The following ZG16B variants were observed in gnomAD, a reference collection of about 807,000 sequenced individuals.
The protein encoded by ZG16B is zymogen granule protein 16B, also known as pancreatic adenocarcinoma up-regulated factor.
A neutral mutation model predicts 7.0 loss-of-function variants in ZG16B; 8 were observed. The ratio of observed to expected loss-of-function variants is 1.15; its 90% CI spans 0.68 to 2.08. The LOEUF (loss-of-function observed/expected upper bound fraction) is 2.08, where lower values mean the gene tolerates loss of function less well. Ranked by LOEUF, ZG16B falls within the 30% of genes most tolerant of loss-of-function variation. The pLI is 0.00. For synonymous variants in ZG16B, 92 were observed against 86.1 expected (o/e 1.07, Z -0.38); for missense variants, 232 against 211.0 (o/e 1.10, Z -0.62).
Position 2,831,920 on chromosome 16 carries a change from C to T in ZG16B, c.280C>T (p.Leu94Phe), listed in dbSNP as rs267604490. 7.4e-5 allele frequency: 119 copies of T among 1,614,140 alleles called. No individual in the cohort carries two copies. The highest frequency in any genetic ancestry group is 9.7e-5 in the Non-Finnish European group (115 of 1,180,022). The change falls in exon 4 of 4, where the codon CTC (leucine) becomes TTC (phenylalanine). Residue 94 changes from leucine (L) to phenylalanine (F), a missense_variant. Transcript: ENST00000382280. ...TKVFVAFQAF[L>F]RGMVMYTSKD... ...AGTCTTTGTCGCCTTCCAAGCTTTCCTCCGGGGTATGGTCATGTACACCAG... is the reference window on the plus strand; with the variant it reads ...AGTCTTTGTCGCCTTCCAAGCTTTCTTCCGGGGTATGGTCATGTACACCAG...
Position 2,831,953 on chromosome 16 carries a change from C to A in ZG16B, c.313C>A (p.Arg105Ser), listed in dbSNP as rs370752227. 6.2e-7 allele frequency: 1 copy of A among 1,614,138 alleles called. No homozygotes were observed. The highest frequency in any genetic ancestry group is 2.2e-5 in the East Asian group (1 of 44,878). The change falls in exon 4 of 4, where the codon CGC (arginine) becomes AGC (serine). Residue 105 changes from arginine (R) to serine (S), a missense_variant. Physicochemically the swap from Arg to Ser is moderately radical, Grantham distance 110 (BLOSUM62 -1). Coordinates refer to ENST00000382280, the MANE Select transcript of ZG16B (RefSeq NM_145252.3). ...TATGGTCATGTACACCAGCAAGGAC[C>A]GCTATTTCTATTTTGGGAAGCTTGA... ...RGMVMYTSKD[R>S]YFYFGKLDGQ...
intron 3 of ZG16B, 34 bp from the exon 4 acceptor site, chr16:2,831,762 G>A: frequency 6.3e-7 from 1 of 1,588,382 alleles, no homozygotes. Context: ...GGCCATCCCA[G>A]ATCTGGACGT....
At chr16:2,830,383 T>G in intron 1 of ZG16B, 32 bp from the exon 2 acceptor site, 1 of 1,606,190 alleles carries the variant, frequency 6.2e-7, no homozygotes, top group Non-Finnish European at 8.5e-7. Context: ...GGCCCTTGCT[T>G]TGGAGTCAGG....
chr16:2,831,739 C>G, intron 3 of ZG16B, 57 bp from the exon 4 acceptor site: 1 of 1,557,368 alleles, frequency 6.4e-7, no homozygotes, highest in South Asian at 1.2e-5. Context: ...CGCTGAGGAC[C>G]CGGGATGTGC....
In ZG16B at chr16:2,832,001, C is replaced by G. The variant is rs1347039503; in HGVS notation, c.361C>G (p.Pro121Ala). The change falls in exon 4 of 4, where the codon CCC becomes GCC. Residue 121 changes from proline (P) to alanine (A), a missense_variant. Pro to Ala is a conservative substitution (Grantham distance 27). Coordinates refer to ENST00000382280, the MANE Select transcript of ZG16B (RefSeq NM_145252.3). ...KLDGQISSAY[P>A]SQEGQVLVGI... Reference sequence around the variant, plus strand: ...TGATGGCCAGATCTCCTCTGCCTACCCCAGCCAAGAGGGGCAGGTGCTGGT... The same window carrying G: ...TGATGGCCAGATCTCCTCTGCCTACGCCAGCCAAGAGGGGCAGGTGCTGGT... The G allele has an allele frequency of 2.5e-6, 4 of 1,614,142 alleles. No homozygotes were observed. In the South Asian group the frequency reaches 4.4e-5, roughly 18 times the overall value.
At chr16:2,830,516 C>T (rs780081538) in intron 2 of ZG16B, 23 bp downstream of exon 2, 2 of 1,593,588 alleles carry the variant, frequency 1.3e-6, no homozygotes, top group Non-Finnish European at 1.7e-6. Context: ...GGTCTGCCCT[C>T]AATCTCCCCT....
rs2069258055 is a variant in ZG16B, at chr16:2,831,785, C to T, written c.156-11C>T. On this transcript the variant is annotated splice_polypyrimidine_tract_variant and intron_variant, in intron 3 of 3. Coordinates refer to ENST00000382280, the MANE Select transcript of ZG16B (RefSeq NM_145252.3). Reference sequence around the variant, plus strand: ...CAGATCTGGACGTCCAAAGCTTTGCCTCTCTCCCAGTGTCCAGGTGAAACT... The same window carrying T: ...CAGATCTGGACGTCCAAAGCTTTGCTTCTCTCCCAGTGTCCAGGTGAAACT... 1.2e-6 allele frequency: 2 copies of T among 1,604,930 alleles called. No homozygotes were observed. Among genetic ancestry groups the T allele is most frequent in the Non-Finnish European group, 1.7e-6 (2 of 1,174,742 alleles).
rs370752227 is a variant in ZG16B, at chr16:2,831,953, C to T, written c.313C>T (p.Arg105Cys). ...RGMVMYTSKD[R>C]YFYFGKLDGQ... is the part of the protein sequence containing the mutation. ...TATGGTCATGTACACCAGCAAGGAC[C>T]GCTATTTCTATTTTGGGAAGCTTGA... is the stretch of plus-strand genomic sequence containing the variant. The change falls in exon 4 of 4, where the codon CGC becomes TGC. Residue 105 changes from arginine to cysteine, a missense_variant. Transcript: ENST00000382280. The T allele has an allele frequency of 1.7e-5, 27 of 1,614,022 alleles. No individual in the cohort carries two copies. Among genetic ancestry groups the T allele is most frequent in the Non-Finnish European group, 2.1e-5 (25 of 1,180,038 alleles).
At chr16:2,831,315 C>A (rs945340308) in intron 3 of ZG16B, 11 of 195,718 alleles carry the variant, frequency 5.6e-5, no homozygotes, top group Non-Finnish European at 1.1e-4. Flanking sequence ...CCTGGGAGAG[C>A]ACCAGGGTGA....
rs748398742 is a variant in ZG16B, at chr16:2,830,766, G to C, written c.125G>C (p.Arg42Pro). ...EDYDHEITGL[R>P]VSVGLLLVKS... ...TACGACCATGAAATCACAGGGCTGCGGGTGTCTGTAGGTCTTCTCCTGGTG... is the reference window on the plus strand; with the variant it reads ...TACGACCATGAAATCACAGGGCTGCCGGTGTCTGTAGGTCTTCTCCTGGTG... The change falls in exon 3 of 4, where the codon CGG becomes CCG. Residue 42 changes from arginine to proline, a missense_variant. Transcript: ENST00000382280. 1.2e-6 allele frequency: 2 copies of C among 1,614,026 alleles called. No homozygotes were observed. Among genetic ancestry groups the C allele is most frequent in the Admixed American group, 3.3e-5 (2 of 60,008 alleles).
At chr16:2,831,744 A>G (rs1357609751) in intron 3 of ZG16B, 52 bp from the exon 4 acceptor site, 1 of 1,561,854 alleles carries the variant, frequency 6.4e-7, no homozygotes. Context: ...AGGACCCGGG[A>G]TGTGCTGGGC....
chr16:2,831,545 A>T (rs776927055), intron 3 of ZG16B, among the ~76,000 whole-genome samples: 8 of 151,762 alleles, frequency 5.3e-5, no homozygotes, highest in Non-Finnish European at 1.2e-4. Flanking sequence ...GATCTCAGTG[A>T]CTCCTCCCAA....
rs777418580 is a variant in ZG16B at position 2,830,371 on chromosome 16, C to T, written c.-28+43C>T. 4.4e-6 allele frequency: 7 copies of T among 1,607,616 alleles called. No individual in the cohort carries two copies. The East Asian group carries it at 6.7e-5, about 15-fold the overall frequency. On this transcript the variant is annotated intron_variant, in intron 1 of 3. Coordinates refer to ENST00000382280, the MANE Select transcript of ZG16B (RefSeq NM_145252.3). Reference sequence around the variant, plus strand: ...ATGGGTGGGGCCCGGCAAGGTCACACTGGCCCTTGCTTTGGAGTCAGGAGG... The same window carrying T: ...ATGGGTGGGGCCCGGCAAGGTCACATTGGCCCTTGCTTTGGAGTCAGGAGG...
At chr16:2,830,952 G>A in intron 3 of ZG16B, 156 bp downstream of exon 3, 1 of 740,994 alleles carries the variant, frequency 1.3e-6, no homozygotes, top group East Asian at 2.7e-5. Flanking sequence ...TTCCTGGCTG[G>A]AGCGGAGACG....
At chr16:2,831,328 G>T (rs1180196768) in intron 3 of ZG16B, among the ~76,000 whole-genome samples, 1 of 152,186 alleles carries the variant, frequency 6.6e-6, no homozygotes, top group East Asian at 1.9e-4. Flanking sequence ...CAGGGTGAGG[G>T]AGGGGTGAAG....
In ZG16B at chr16:2,831,684, TC is replaced by T. The variant is rs1414833494; in HGVS notation, c.156-111del. 5 of 1,469,492 alleles carry T rather than the reference TC, an allele frequency of 3.4e-6. No individual in the cohort carries two copies. The African/African-American group carries it at 7.1e-5, about 21-fold the overall frequency. 91.0% of individuals were successfully genotyped at this position (1,469,492 alleles called of 1,614,324 possible). ...GTGAGTCTGTGTCAGGGACCCAAAG[TC>T]TGATGGTGCTGGACTCTCTGCATCC... On this transcript the variant is annotated intron_variant, in intron 3 of 3. Transcript: ENST00000382280.
chr16:2,832,160 G>C lies in ZG16B; in HGVS notation c.*1G>C, dbSNP rs2069262072. 6.2e-7 allele frequency: 1 copy of C among 1,610,428 alleles called. No individual in the cohort carries two copies. Among genetic ancestry groups the C allele is most frequent in the Non-Finnish European group, 8.5e-7 (1 of 1,177,454 alleles). ...AGCAAACTCACCCGTGGGTCGCTAGGGTGGGGTATGGGGCCATCCGAGCTG... is the reference window on the plus strand; with the variant it reads ...AGCAAACTCACCCGTGGGTCGCTAGCGTGGGGTATGGGGCCATCCGAGCTG... On this transcript the variant is annotated 3_prime_UTR_variant, in exon 4 of 4. Transcript: ENST00000382280.
Position 2,830,465 on chromosome 16 carries a change from C to G in ZG16B, c.24C>G (p.Ala8=). ...CCATGCTGCTGCTGCTCACGCTTGC[C>G]CTCCTGGGGGGCCCCACCTGGGCAG... MLLLLTL[A]LLGGPTWAGK... Residue 8 remains alanine (A), a synonymous_variant, in exon 2 of 4, where the codon GCC becomes GCG. Transcript: ENST00000382280. 1 of 1,601,288 alleles carries G rather than the reference C, an allele frequency of 6.2e-7. No individual in the cohort carries two copies. The highest frequency in any genetic ancestry group is 8.5e-7 in the Non-Finnish European group (1 of 1,174,222).
rs956989909 is a variant in ZG16B, at chr16:2,830,659, G to A, written c.53-35G>A. 8.1e-6 allele frequency: 13 copies of A among 1,612,970 alleles called. No homozygotes were observed. The Admixed American group carries it at 1.3e-4, about 17-fold the overall frequency. On this transcript the variant is annotated intron_variant, in intron 2 of 3. Transcript: ENST00000382280. ...AGGTCACCCCCATATCACCGCATGG[G>A]GATTTTCTTCCCTTTGGGTCTCTCT...
Sources: allele counts gnomAD v4.1 joint callset (sites outside exome capture counted in the v4.1 genomes callset), GRCh38; gene constraint gnomAD v4.1.1; transcripts MANE v1.5; gene names NCBI Gene and HGNC (gene_info 2026-07-23, HGNC 2026-07-21).